XIRP2: variants seen among roughly 807,000 people sequenced by gnomAD.
XIRP2 encodes xin actin-binding repeat-containing protein 2.
A neutral mutation model predicts 277.0 loss-of-function variants in XIRP2; 236 were observed. The observed-to-expected ratio is 0.85, with a 90% confidence interval of 0.77 to 0.95. The LOEUF (loss-of-function observed/expected upper bound fraction) is 0.95, where lower values mean the gene tolerates loss of function less well. XIRP2 is among the 40% of genes least tolerant of loss of function. The probability of loss-of-function intolerance (pLI) is 0.00; values close to 1 mark genes in which losing one functional copy is unlikely to be tolerated. For synonymous variants in XIRP2, 1,490 were observed against 1,416.5 expected (o/e 1.05, Z -1.17); for missense variants, 4,640 against 4,157.5 (o/e 1.12, Z -3.19).
rs547851485 is a variant in XIRP2, at chr2:167,114,933, G to A, written c.409-20976G>A. Among the ~76,000 whole-genome samples, 19 of 152,224 alleles carry A rather than the reference G, an allele frequency of 1.2e-4. No homozygotes were observed. The South Asian group carries it at 3.9e-3, about 32-fold the overall frequency. ...TGTGTGTGTGTCTTTATAGCAGCAT[G>A]ATTTATAGTCCTTTGGGTATATACC... On this transcript the variant is annotated intron_variant, in intron 2 of 10. Coordinates refer to ENST00000409195, the MANE Select transcript of XIRP2 (RefSeq NM_152381.6).
chr2:166,920,161 G>A (rs902907056), intron 2 of XIRP2, among the ~76,000 whole-genome samples: 2 of 152,102 alleles, frequency 1.3e-5, no homozygotes, highest in Non-Finnish European at 2.9e-5. Flanking sequence ...GTATCTACCA[G>A]GTACTGAGCT....
chr2:167,253,951 A>G (rs978704917), intron 9 of XIRP2, 81 bp from the exon 10 acceptor site: 1 of 1,459,822 alleles, frequency 6.9e-7, no homozygotes, highest in African/African-American at 1.4e-5. Flanking sequence ...TGGCCAGTTA[A>G]TATGTGTTTT....
intron 3 of XIRP2, among the ~76,000 whole-genome samples, chr2:167,204,347 CTT>C (rs940535403): frequency 5.3e-5 from 8 of 152,114 alleles, no homozygotes; most frequent in Non-Finnish European, 1.5e-5. Context: ...AAAGGCATCT[CTT>C]TGTTGTTTGG....
At chr2:166,897,642 G>A (rs1472640391) in intron 1 of XIRP2, among the ~76,000 whole-genome samples, 1 of 152,150 alleles carries the variant, frequency 6.6e-6, no homozygotes, top group Non-Finnish European at 1.5e-5. Flanking sequence ...CTGAGGGAGA[G>A]CCACCAAGGA....
At chr2:167,091,427 T>C (rs1047516841) in intron 2 of XIRP2, among the ~76,000 whole-genome samples, 4 of 152,148 alleles carry the variant, frequency 2.6e-5, no homozygotes, top group Admixed American at 2.6e-4. Flanking sequence ...TGACTTATCA[T>C]TCACTAACTT....
chr2:167,095,573 A>T (rs1299037038), intron 2 of XIRP2, among the ~76,000 whole-genome samples: 1 of 152,072 alleles, frequency 6.6e-6, no homozygotes, highest in Non-Finnish European at 1.5e-5. Context: ...TGAGATAATC[A>T]TGTGGTTTTC....
Position 167,250,098 on chromosome 2 carries a change from G to T in XIRP2, c.8706G>T (p.Lys2902Asn). The stretch of plus-strand genomic sequence containing the variant: ...AGGAAGAAAAATGTCTCGAAGTCAA[G>T]GGCATACAAGAGAAACAAGTCTTCT... ...SLQEEKCLEV[K>N]GIQEKQVFSN... Residue 2902 changes from lysine to asparagine, a missense_variant, in exon 9 of 11, where the codon AAG becomes AAT. Physicochemically the swap from Lys to Asn is moderately conservative, Grantham distance 94. Transcript: ENST00000409195. 1 of 1,613,314 alleles carries T rather than the reference G, an allele frequency of 6.2e-7. No individual in the cohort carries two copies. Among genetic ancestry groups the T allele is most frequent in the Non-Finnish European group, 8.5e-7 (1 of 1,179,638 alleles).
intron 3 of XIRP2, among the ~76,000 whole-genome samples, chr2:167,136,325 G>C (rs1221054636): frequency 6.6e-6 from 1 of 152,030 alleles, no homozygotes; most frequent in African/African-American, 2.4e-5. Context: ...CAGTATTAGA[G>C]GTTTGAAACA....
chr2:166,969,864 G>A lies in XIRP2; in HGVS notation c.408+65974G>A, dbSNP rs182594983. ...GTTTGAATAAGCAGCAACTCCCCCT[G>A]TATCCTTAAAACCTCTTCTAAGAAA... On this transcript the variant is annotated intron_variant, in intron 2 of 10. Transcript: ENST00000409195. Among the ~76,000 whole-genome samples the A allele has an allele frequency of 3.2e-3, 485 of 151,830 alleles. 3 individuals carry two copies. Among genetic ancestry groups the A allele is most frequent in the African/African-American group, 0.011 (447 of 41,422 alleles).
At chr2:166,964,656 A>T (rs1558932021) in intron 2 of XIRP2, among the ~76,000 whole-genome samples, 1 of 151,850 alleles carries the variant, frequency 6.6e-6, no homozygotes, top group African/African-American at 2.4e-5. Context: ...CATCTTCATA[A>T]ACCAACTGGG....
intron 2 of XIRP2, among the ~76,000 whole-genome samples, chr2:167,066,370 CA>C (rs1689303569): frequency 6.6e-6 from 1 of 151,820 alleles, no homozygotes; most frequent in Non-Finnish European, 1.5e-5. Flanking sequence ...AATGGGTGTA[CA>C]AAAAGGTGCT....
At chr2:167,239,991 T>C (rs1559035443) in intron 6 of XIRP2, 26 bp downstream of exon 6, 1 of 1,566,684 alleles carries the variant, frequency 6.4e-7, no homozygotes, top group Non-Finnish European at 8.6e-7. Flanking sequence ...GGCAGTACTT[T>C]CAAACAGTTT....
chr2:167,009,613 A>G (rs1191974163), intron 2 of XIRP2, among the ~76,000 whole-genome samples: 1 of 151,908 alleles, frequency 6.6e-6, no homozygotes, highest in South Asian at 2.1e-4. Context: ...TGGTATTTCT[A>G]GTTCTAGATC....
intron 3 of XIRP2, among the ~76,000 whole-genome samples, chr2:167,145,585 G>C (rs1056303306): frequency 2.6e-5 from 4 of 152,146 alleles, no homozygotes; most frequent in Admixed American, 2.0e-4. Flanking sequence ...TGTGGGAAAA[G>C]AGCATGTTTC....
At chr2:167,077,023 G>C (rs1689590779) in intron 2 of XIRP2, among the ~76,000 whole-genome samples, 1 of 151,866 alleles carries the variant, frequency 6.6e-6, no homozygotes, top group Non-Finnish European at 1.5e-5. Context: ...TTGTTTGTTT[G>C]TTTGTTTTTG....
chr2:167,254,065 C>T lies in XIRP2; in HGVS notation c.10589C>T (p.Thr3530Ile), dbSNP rs778880878. The change falls in exon 10 of 11, where the codon ACT becomes ATT. Residue 3530 changes from threonine (T) to isoleucine (I), a missense_variant. Coordinates refer to ENST00000409195, the MANE Select transcript of XIRP2 (RefSeq NM_152381.6). ...GCTCCAAGACAAGGAAATATGTATACTTTGTCAAAAGACAGTTTATCCAAT... is the reference window on the plus strand; with the variant it reads ...GCTCCAAGACAAGGAAATATGTATATTTTGTCAAAAGACAGTTTATCCAAT... ...AAAPRQGNMY[T>I]LSKDSLSNGV... The T allele has an allele frequency of 8.7e-6, 14 of 1,604,792 alleles. No individual in the cohort carries two copies. Among genetic ancestry groups the T allele is most frequent in the Non-Finnish European group, 1.2e-5 (14 of 1,175,304 alleles).
At chr2:167,204,535 C>G (rs376051194) in intron 3 of XIRP2, among the ~76,000 whole-genome samples, 2 of 152,014 alleles carry the variant, frequency 1.3e-5, no homozygotes, top group Non-Finnish European at 2.9e-5. Context: ...TTTTAGAACC[C>G]GTCTCTGTTT....
intron 9 of XIRP2, among the ~76,000 whole-genome samples, chr2:167,253,250 A>G (rs1353173945): frequency 2.0e-5 from 3 of 152,004 alleles, no homozygotes; most frequent in Non-Finnish European, 4.4e-5. Flanking sequence ...ACTGGTTAGT[A>G]ATAGAACCAC....
intron 1 of XIRP2, among the ~76,000 whole-genome samples, chr2:166,898,278 T>G (rs897208984): frequency 6.6e-6 from 1 of 152,094 alleles, no homozygotes; most frequent in African/African-American, 2.4e-5. Flanking sequence ...GAACATATGT[T>G]GAAGGGTGCA....
Sources: gnomAD v4.1 joint callset for allele counts (sites outside exome capture counted in the v4.1 genomes callset) on GRCh38, gnomAD v4.1.1 for gene constraint, MANE v1.5 for transcripts, NCBI Gene and HGNC (gene_info 2026-07-23, HGNC 2026-07-21) for gene names.